The following KCNMA1 variants were observed in gnomAD, a reference collection of about 807,000 sequenced individuals.
The protein encoded by KCNMA1 is potassium calcium-activated channel subfamily M alpha 1, also known as Calcium-activated potassium channel subunit alpha-1.
In KCNMA1, 29 loss-of-function variants were observed where a neutral mutation model predicts 140.0. The observed-to-expected ratio is 0.21, with a 90% CI of 0.15 to 0.28. KCNMA1 has a LOEUF of 0.28. KCNMA1 is among the 10% of genes least tolerant of loss of function. The pLI is 1.00. For synonymous variants in KCNMA1, 612 were observed against 611.9 expected (o/e 1.00, Z 0.00); for missense variants, 880 against 1,602.2 (o/e 0.55, Z 7.70).
intron 2 of KCNMA1, among the ~76,000 whole-genome samples, chr10:77,360,963 C>A (rs1328161370): frequency 6.6e-6 from 1 of 151,988 alleles, no homozygotes; most frequent in Non-Finnish European, 1.5e-5. Context: ...GAATAGTGAC[C>A]CTGGGGCTCT....
At chr10:77,218,285 G>GCCGTTTAAA (rs1284814831) in intron 3 of KCNMA1, among the ~76,000 whole-genome samples, 1 of 151,980 alleles carries the variant, frequency 6.6e-6, no homozygotes, top group Non-Finnish European at 1.5e-5. Flanking sequence ...ACCCATACAG[G>GCCGTTTAAA]CCATTTAAAC....
chr10:77,443,722 CT>C (rs746344875), intron 1 of KCNMA1, among the ~76,000 whole-genome samples: 1 of 152,168 alleles, frequency 6.6e-6, no homozygotes, highest in Non-Finnish European at 1.5e-5. Flanking sequence ...CTCTAAAGTG[CT>C]TTCTAGGTTG....
intron 2 of KCNMA1, chr10:77,309,636 T>C (rs1174607433): frequency 1.3e-5 from 2 of 152,138 alleles, no homozygotes; most frequent in Non-Finnish European, 2.9e-5. Flanking sequence ...AAATATATAT[T>C]TTCCCCCTAC....
chr10:77,350,845 T>A (rs1415536824), intron 2 of KCNMA1: 2 of 152,202 alleles, frequency 1.3e-5, no homozygotes, highest in Non-Finnish European at 2.9e-5. Flanking sequence ...AGTGGGATGA[T>A]GCTCTGGGCA....
chr10:76,873,992 C>T (rs977600079), downstream of KCNMA1: 6 of 151,934 alleles, frequency 3.9e-5, no homozygotes, highest in African/African-American at 1.4e-4. Context: ...TCTTGAACCT[C>T]TAGTTACATA....
At chr10:77,331,204 C>T (rs1199088862) in intron 2 of KCNMA1, among the ~76,000 whole-genome samples, 1 of 152,120 alleles carries the variant, frequency 6.6e-6, no homozygotes, top group Non-Finnish European at 1.5e-5. Context: ...CCTGACCCAC[C>T]CCAGCTGGCA....
intron 2 of KCNMA1, among the ~76,000 whole-genome samples, chr10:77,309,244 T>G (rs899262055): frequency 1.3e-5 from 2 of 152,212 alleles, no homozygotes; most frequent in South Asian, 4.1e-4. Flanking sequence ...TAGACATACA[T>G]GTACACACGA....
chr10:77,226,921 T>C (rs550752641), intron 3 of KCNMA1, among the ~76,000 whole-genome samples: 2 of 152,192 alleles, frequency 1.3e-5, no homozygotes, highest in Non-Finnish European at 2.9e-5. Flanking sequence ...TGTGCCTCCT[T>C]CATTACAAAA....
chr10:77,217,304 AAAAG>A (rs2048110050), intron 3 of KCNMA1, among the ~76,000 whole-genome samples: 1 of 151,986 alleles, frequency 6.6e-6, no homozygotes, highest in Non-Finnish European at 1.5e-5. Flanking sequence ...CAAAAAAAAA[AAAAG>A]AAACTAAACA....
At chr10:77,576,245 C>A (rs2074039198) in intron 1 of KCNMA1, among the ~76,000 whole-genome samples, 1 of 152,224 alleles carries the variant, frequency 6.6e-6, no homozygotes, top group Non-Finnish European at 1.5e-5. Context: ...TAGGGCCAGG[C>A]AACTCGCCCT....
At chr10:76,936,753 G>A (rs1011869692) in intron 23 of KCNMA1, among the ~76,000 whole-genome samples, 2 of 152,198 alleles carry the variant, frequency 1.3e-5, no homozygotes, top group Non-Finnish European at 2.9e-5. Context: ...CTGGGAAAAA[G>A]GCAGGTGTGG....
chr10:76,884,891 C>T lies in KCNMA1; in HGVS notation c.*2375G>A. The T allele has an allele frequency of 7.1e-7, 1 of 1,413,160 alleles. No homozygotes were observed. The highest frequency in any genetic ancestry group is 9.3e-7 in the Non-Finnish European group (1 of 1,078,176). 87.5% of individuals were successfully genotyped at this position (1,413,160 alleles called of 1,614,324 possible). On this transcript the variant is annotated 3_prime_UTR_variant, in exon 28 of 28. Coordinates refer to ENST00000286628, the MANE Select transcript of KCNMA1 (RefSeq NM_001161352.2). ...CAATAACAGAATAAAATTTGTAACT[C>T]CTTTTTTTTTAATTTCACAAAAGTT...
At chr10:77,310,968 A>G (rs1032784031) in intron 2 of KCNMA1, among the ~76,000 whole-genome samples, 4 of 151,830 alleles carry the variant, frequency 2.6e-5, no homozygotes, top group South Asian at 4.2e-4. Context: ...TTTTCCTACC[A>G]CTCCAACTCT....
intron 10 of KCNMA1, among the ~76,000 whole-genome samples, chr10:77,089,116 T>A (rs945579045): frequency 6.6e-6 from 1 of 152,216 alleles, no homozygotes; most frequent in African/African-American, 2.4e-5. Context: ...GCTCCTGTGC[T>A]AACATAGCCT....
chr10:77,242,599 T>A (rs1243667072), intron 3 of KCNMA1, among the ~76,000 whole-genome samples: 1 of 152,214 alleles, frequency 6.6e-6, no homozygotes, highest in African/African-American at 2.4e-5. Context: ...TGTTTTGTTA[T>A]CTTATTTTTC....
chr10:77,328,290 C>T (rs545228882), intron 2 of KCNMA1, among the ~76,000 whole-genome samples: 1 of 152,296 alleles, frequency 6.6e-6, no homozygotes, highest in Non-Finnish European at 1.5e-5. Flanking sequence ...TTATCACTTC[C>T]TTTAAATCTT....
At chr10:77,636,146 T>G in intron 1 of KCNMA1, 5 of 1,323,506 alleles carry the variant, frequency 3.8e-6, no homozygotes, top group Non-Finnish European at 5.0e-6. Context: ...GGTTCGCGCG[T>G]GAAGTCCCCT....
intron 26 of KCNMA1, among the ~76,000 whole-genome samples, chr10:76,890,768 A>T (rs889017260): frequency 2.6e-5 from 4 of 152,206 alleles, no homozygotes; most frequent in African/African-American, 9.6e-5. Flanking sequence ...CACTTCTGTC[A>T]CAGTGCCTAC....
At chr10:76,916,724 C>G (rs1219374294) in intron 23 of KCNMA1, among the ~76,000 whole-genome samples, 3 of 152,180 alleles carry the variant, frequency 2.0e-5, no homozygotes, top group African/African-American at 7.2e-5. Flanking sequence ...AGCAATGTGA[C>G]AAGATTGTGT....
Sources: allele counts gnomAD v4.1 joint callset (sites outside exome capture counted in the v4.1 genomes callset), GRCh38; gene constraint gnomAD v4.1.1; transcripts MANE v1.5; gene names NCBI Gene and HGNC (gene_info 2026-07-23, HGNC 2026-07-21).